The following SLC30A7 variants were observed in gnomAD, a reference collection of about 807,000 sequenced individuals.
The protein encoded by SLC30A7 is zinc transporter 7.
In SLC30A7, 35 loss-of-function variants were observed where a neutral mutation model predicts 46.0. The observed-to-expected ratio is 0.76, with a 90% CI of 0.58 to 1.01. SLC30A7 has a LOEUF of 1.01. SLC30A7 is among the 50% of genes least tolerant of loss of function. The pLI, the probability that SLC30A7 is intolerant of heterozygous loss-of-function variation, is 0.00. For synonymous variants in SLC30A7, 147 were observed against 157.8 expected (o/e 0.93, Z 0.51); for missense variants, 464 against 451.1 (o/e 1.03, Z -0.26).
At chr1:100,927,749 A>G (rs998678717) in intron 8 of SLC30A7, among the ~76,000 whole-genome samples, 24 of 152,110 alleles carry the variant, frequency 1.6e-4, no homozygotes, top group Non-Finnish European at 2.4e-4. Flanking sequence ...CAAGGCAGGG[A>G]TTAGAGTGGT....
the SLC30A7 span, chr1:100,989,558 T>C: frequency 3.9e-5 from 6 of 152,188 alleles, no homozygotes; most frequent in African/African-American, 1.2e-4. Flanking sequence ...CCAGCTGCTG[T>C]CAGGACAACT....
chr1:100,992,099 A>C, the SLC30A7 span, among the ~76,000 whole-genome samples: 3 of 146,078 alleles, frequency 2.1e-5, no homozygotes, highest in Admixed American at 6.8e-5. Context: ...CCCTCTCTCA[A>C]AAAAAAAAAA....
chr1:100,955,945 A>G (rs1004419237), intron 8 of SLC30A7, among the ~76,000 whole-genome samples: 21 of 152,072 alleles, frequency 1.4e-4, no homozygotes, highest in African/African-American at 4.8e-4. Context: ...TTAAATTGCT[A>G]TTGGAGAAAG....
chr1:100,900,864 C>T lies in SLC30A7; in HGVS notation c.182+4193C>T, dbSNP rs546014843. ...CGTTTAACAAACAATATAAATATAC[C>T]GTTAGCTTAGTTACCAATAGACCTT... is the stretch of plus-strand genomic sequence containing the variant. On this transcript the variant is annotated intron_variant, in intron 2 of 10. Transcript: ENST00000357650. Among the ~76,000 whole-genome samples the T allele has an allele frequency of 3.4e-4, 51 of 152,158 alleles. 1 individual carries two copies. The East Asian group carries it at 9.1e-3, about 27-fold the overall frequency.
At chr1:100,968,460 CA>C (rs111291474) in intron 10 of SLC30A7, among the ~76,000 whole-genome samples, 1,862 of 90,178 alleles carry the variant, frequency 0.021, 19 homozygotes, top group African/African-American at 0.057. Context: ...GACTCTGTCT[CA>C]AAAAAAAAAA....
intron 8 of SLC30A7, among the ~76,000 whole-genome samples, chr1:100,946,599 A>G (rs1051092839): frequency 4.5e-4 from 69 of 152,230 alleles, no homozygotes; most frequent in Middle Eastern, 6.8e-3. Flanking sequence ...ATTGATTTGC[A>G]TATGTTGAAC....
intron 8 of SLC30A7, among the ~76,000 whole-genome samples, chr1:100,957,684 T>C (rs1264120659): frequency 6.6e-6 from 1 of 152,168 alleles, no homozygotes; most frequent in East Asian, 1.9e-4. Context: ...TAGATTGAGA[T>C]TGGAGAAGAA....
In SLC30A7 at chr1:100,977,562, G is replaced by A. The variant is rs1656611344; in HGVS notation, c.*2705G>A. 1 of 151,998 alleles carries A rather than the reference G, an allele frequency of 6.6e-6. No homozygotes were observed. Among genetic ancestry groups the A allele is most frequent in the African/African-American group, 2.4e-5 (1 of 41,368 alleles). 9.4% of individuals were successfully genotyped at this position (151,998 alleles called of 1,614,324 possible). On this transcript the variant is annotated 3_prime_UTR_variant, in exon 11 of 11. Transcript: ENST00000357650. ...TATTGTTATAAAATTAATTTACAAT[G>A]TCCCTGATATTGAGCTAACTCTTAA... is the stretch of plus-strand genomic sequence containing the variant.
intron 10 of SLC30A7, among the ~76,000 whole-genome samples, chr1:100,968,360 T>C (rs1570595000): frequency 6.6e-6 from 1 of 151,640 alleles, no homozygotes; most frequent in Non-Finnish European, 1.5e-5. Flanking sequence ...ACTCGGGAGG[T>C]TGAGGCAGGA....
intron 5 of SLC30A7, 75 bp downstream of exon 5, chr1:100,912,313 A>G: frequency 6.7e-7 from 1 of 1,498,222 alleles, no homozygotes; most frequent in Non-Finnish European, 9.2e-7. Context: ...GAGAGAATTA[A>G]GTTAAACTAT....
chr1:100,906,949 GATGCTTTCTCCT>G lies in SLC30A7; in HGVS notation c.284_295del (p.Ala95_Tyr98del). 1 of 1,607,754 alleles carries G rather than the reference GATGCTTTCTCCT, an allele frequency of 6.2e-7. No homozygotes were observed. Among genetic ancestry groups the G allele is most frequent in the Non-Finnish European group, 8.5e-7 (1 of 1,174,496 alleles). The stretch of plus-strand genomic sequence containing the variant: ...TGTTATTTCAAAATGGAGAGATAAT[GATGCTTTCTCCT>G]ATGGGTAAGACTTTAAGAAAAAAAA... On this transcript the variant is annotated inframe_deletion, in exon 3 of 11. Transcript: ENST00000357650.
intron 3 of SLC30A7, among the ~76,000 whole-genome samples, chr1:100,908,283 C>G (rs544519832): frequency 6.4e-4 from 97 of 152,238 alleles, no homozygotes; most frequent in Admixed American, 2.1e-3. Flanking sequence ...TTCACATGCT[C>G]TTGTTCTGTT....
At chr1:100,992,018 A>G in the SLC30A7 span, among the ~76,000 whole-genome samples, 11 of 151,832 alleles carry the variant, frequency 7.2e-5, no homozygotes, top group Non-Finnish European at 1.5e-4. Flanking sequence ...GGATCACTTG[A>G]GCCCAGGAGG....
chr1:100,940,933 A>G, intron 8 of SLC30A7: 1 of 384,140 alleles, frequency 2.6e-6, no homozygotes, highest in South Asian at 2.0e-5. Flanking sequence ...GCTTGGCTGA[A>G]TTCACAAATC....
At chr1:100,958,329 A>G (rs1394857396) in intron 8 of SLC30A7, among the ~76,000 whole-genome samples, 1 of 152,106 alleles carries the variant, frequency 6.6e-6, no homozygotes, top group Admixed American at 6.5e-5. Flanking sequence ...GGCGCCGGCC[A>G]TCACGCCCAG....
chr1:100,902,967 A>G (rs934867641), intron 2 of SLC30A7, among the ~76,000 whole-genome samples: 1 of 152,194 alleles, frequency 6.6e-6, no homozygotes. Context: ...ATATAGATCA[A>G]TAAATCAGTA....
At chr1:100,902,380 G>A (rs1014294613) in intron 2 of SLC30A7, among the ~76,000 whole-genome samples, 1 of 152,106 alleles carries the variant, frequency 6.6e-6, no homozygotes, top group African/African-American at 2.4e-5. Context: ...CTGCTATTCT[G>A]TGCAAAAGGA....
the SLC30A7 span, among the ~76,000 whole-genome samples, chr1:100,990,802 C>T: frequency 2.0e-5 from 3 of 152,326 alleles, no homozygotes; most frequent in South Asian, 2.1e-4. Flanking sequence ...TTTTCTAAAT[C>T]ATTTGTATTA....
intron 9 of SLC30A7, among the ~76,000 whole-genome samples, chr1:100,965,527 C>T (rs758094296): frequency 1.3e-5 from 2 of 152,234 alleles, no homozygotes; most frequent in Admixed American, 1.3e-4. Context: ...GTGGGGCACA[C>T]TCTCAGGTGT....
Sources: allele counts gnomAD v4.1 joint callset (sites outside exome capture counted in the v4.1 genomes callset), GRCh38; gene constraint gnomAD v4.1.1; transcripts MANE v1.5; gene names NCBI Gene and HGNC (gene_info 2026-07-23, HGNC 2026-07-21).